Variants in ESRP1 observed in about 807,000 individuals in gnomAD.
The protein encoded by ESRP1 is RNA-binding motif protein 35A.
ESRP1 carries 33 observed loss-of-function variants against 81.7 expected under a neutral mutation model. That is an observed-to-expected ratio of 0.40 (90% confidence interval 0.31 to 0.54). ESRP1 has a LOEUF of 0.54. Ranked by LOEUF, ESRP1 falls within the 20% of genes least tolerant of loss-of-function variation. ESRP1 has a pLI of 0.41. For missense variants in ESRP1, 672 were observed against 833.1 expected (o/e 0.81, Z 2.38); for synonymous variants, 320 against 303.3 (o/e 1.06, Z -0.57).
At chr8:94,672,850 T>C (rs1314682446) in intron 11 of ESRP1, among the ~76,000 whole-genome samples, 1 of 152,246 alleles carries the variant, frequency 6.6e-6, no homozygotes, top group Non-Finnish European at 1.5e-5. Flanking sequence ...CTTAATTAAA[T>C]GCAAAGCTGT....
At chr8:94,666,523 G>A (rs1042507722) in intron 9 of ESRP1, among the ~76,000 whole-genome samples, 3 of 152,176 alleles carry the variant, frequency 2.0e-5, no homozygotes, top group African/African-American at 7.2e-5. Flanking sequence ...ACAGCCATTT[G>A]ACACCTATTG....
At chr8:94,675,284 A>G (rs969657048) in intron 12 of ESRP1, among the ~76,000 whole-genome samples, 1 of 152,236 alleles carries the variant, frequency 6.6e-6, no homozygotes, top group African/African-American at 2.4e-5. Context: ...CCTGTTGGGT[A>G]TGTTTAAAGA....
rs574758084 is a variant in ESRP1, at chr8:94,641,716, C to G, written c.133-240C>G. The G allele has an allele frequency of 4.4e-4, 327 of 738,518 alleles. 2 individuals carry two copies. The African/African-American group carries it at 5.7e-3, about 13-fold the overall frequency. The allele number at this position is 738,518 out of a possible 1,614,324, so 45.7% of individuals were successfully genotyped here. ...CTTTGCCCGTCGGGGGACGCTCCGCCGAGACGAGGTGGGGTCTCGGAGGCC... is the reference window on the plus strand; with the variant it reads ...CTTTGCCCGTCGGGGGACGCTCCGCGGAGACGAGGTGGGGTCTCGGAGGCC... On this transcript the variant is annotated intron_variant, in intron 1 of 15. Transcript: ENST00000433389.
chr8:94,642,150 T>C lies in ESRP1; in HGVS notation c.261+66T>C, dbSNP rs1202888913. ...CAACCCCACCGCACCCTACGCCCTCTCAGGGCGGCCCACGCGTGTTCCCGG... is the reference window on the plus strand; with the variant it reads ...CAACCCCACCGCACCCTACGCCCTCCCAGGGCGGCCCACGCGTGTTCCCGG... On this transcript the variant is annotated intron_variant, in intron 2 of 15. Transcript: ENST00000433389. The C allele has an allele frequency of 5.8e-6, 9 of 1,557,780 alleles. 1 individual carries two copies. The highest frequency in any genetic ancestry group is 6.9e-6 in the Non-Finnish European group (8 of 1,152,774).
At chr8:94,662,712 A>G (rs1238441418) in intron 6 of ESRP1, among the ~76,000 whole-genome samples, 157 bp downstream of exon 6, 2 of 151,416 alleles carry the variant, frequency 1.3e-5, no homozygotes, top group Non-Finnish European at 2.9e-5. Flanking sequence ...GGTTCATGCC[A>G]TTCTCCTGCC....
At chr8:94,644,882 A>T (rs1318512150) in intron 3 of ESRP1, among the ~76,000 whole-genome samples, 1 of 152,212 alleles carries the variant, frequency 6.6e-6, no homozygotes, top group African/African-American at 2.4e-5. Context: ...TTTCTCTAAC[A>T]TGAATGTATT....
intron 3 of ESRP1, among the ~76,000 whole-genome samples, chr8:94,645,768 C>A (rs1817815528): frequency 6.6e-6 from 1 of 152,168 alleles, no homozygotes; most frequent in African/African-American, 2.4e-5. Context: ...AATCTAATCC[C>A]ACACCTGTGT....
At position 94,671,602 on chromosome 8, in the gene ESRP1, C is replaced by T; in HGVS notation, c.1383C>T (p.Ile461=). The change falls in exon 11 of 16, where the codon ATC becomes ATT. Residue 461 remains isoleucine, a synonymous_variant. Transcript: ENST00000433389. Reference sequence around the variant, plus strand: ...CCTATGCAGCCACAATTGAGGACATCCTGGATTTCCTGGGGGAGTTCGCCA... The same window carrying T: ...CCTATGCAGCCACAATTGAGGACATTCTGGATTTCCTGGGGGAGTTCGCCA... ...GLPYAATIED[I]LDFLGEFATD... 1 of 1,613,928 alleles carries T rather than the reference C, an allele frequency of 6.2e-7. No homozygotes were observed. The highest frequency in any genetic ancestry group is 1.1e-5 in the South Asian group (1 of 91,070).
intron 14 of ESRP1, 53 bp from the exon 15 acceptor site, chr8:94,696,799 A>C: frequency 7.5e-7 from 1 of 1,341,492 alleles, no homozygotes; most frequent in Non-Finnish European, 1.0e-6. Flanking sequence ...AATATTATCC[A>C]TAGTGACAGT....
chr8:94,650,947 C>T (rs928395304), intron 4 of ESRP1, among the ~76,000 whole-genome samples: 8 of 152,110 alleles, frequency 5.3e-5, no homozygotes, highest in East Asian at 1.9e-4. Context: ...CCTCGTGATC[C>T]GCCCGCCTTG....
intron 13 of ESRP1, among the ~76,000 whole-genome samples, chr8:94,684,473 A>C (rs1005496359): frequency 3.3e-5 from 5 of 152,204 alleles, no homozygotes; most frequent in Admixed American, 6.5e-5. Context: ...AAGGTTCCCT[A>C]CATGAAAACT....
intron 2 of ESRP1, among the ~76,000 whole-genome samples, chr8:94,642,515 GA>G (rs1324300571): frequency 6.6e-6 from 1 of 152,192 alleles, no homozygotes; most frequent in Non-Finnish European, 1.5e-5. Context: ...GGGTGTGCAA[GA>G]AGTAGCACTG....
intron 15 of ESRP1, among the ~76,000 whole-genome samples, chr8:94,705,272 A>G (rs1350008039): frequency 6.7e-6 from 1 of 148,916 alleles, no homozygotes; most frequent in Non-Finnish European, 1.5e-5. Context: ...GGTTAAAGCA[A>G]TTCTCCTGCC....
Position 94,671,639 on chromosome 8 carries a change from A to C in ESRP1, c.1420A>C (p.Thr474Pro). Residue 474 changes from threonine (T) to proline (P), a missense_variant, in exon 11 of 16, where the codon ACT becomes CCT. Transcript: ENST00000433389. Reference sequence around the variant, plus strand: ...GGGGGAGTTCGCCACAGATATTCGTACTCATGGGGTTCACATGGTTTTGAA... The same window carrying C: ...GGGGGAGTTCGCCACAGATATTCGTCCTCATGGGGTTCACATGGTTTTGAA... ...FLGEFATDIR[T>P]HGVHMVLNHQ... 6.2e-7 allele frequency: 1 copy of C among 1,613,838 alleles called. No individual in the cohort carries two copies. Among genetic ancestry groups the C allele is most frequent in the Non-Finnish European group, 8.5e-7 (1 of 1,179,862 alleles).
intron 4 of ESRP1, among the ~76,000 whole-genome samples, chr8:94,657,426 T>A (rs1818477858): frequency 6.6e-6 from 1 of 151,930 alleles, no homozygotes; most frequent in African/African-American, 2.4e-5. Flanking sequence ...TTTTCAGTGA[T>A]GCTAAGGATC....
intron 10 of ESRP1, among the ~76,000 whole-genome samples, chr8:94,669,523 A>G (rs1216858506): frequency 2.0e-5 from 3 of 152,138 alleles, no homozygotes; most frequent in African/African-American, 4.8e-5. Context: ...TTTGTGTTCC[A>G]TTGTACTGGT....
At chr8:94,690,276 A>ATT (rs373440584) in intron 13 of ESRP1, among the ~76,000 whole-genome samples, 8,736 of 61,078 alleles carry the variant, frequency 0.14, 1,471 homozygotes, top group Non-Finnish European at 0.19. Flanking sequence ...TGCCTGGCTA[A>ATT]TTTTTTTTTT....
intron 2 of ESRP1, among the ~76,000 whole-genome samples, chr8:94,642,968 A>ATTTTT (rs1817686620): frequency 6.6e-6 from 1 of 152,252 alleles, no homozygotes; most frequent in Non-Finnish European, 1.5e-5. Context: ...ACATATAAAA[A>ATTTTT]GTAACACTAG....
chr8:94,705,716 A>G, intron 15 of ESRP1: 1 of 546,384 alleles, frequency 1.8e-6, no homozygotes, highest in Non-Finnish European at 3.2e-6. Context: ...TGTGTAAACC[A>G]TGGAAACTTC....
Sources: gnomAD v4.1 joint callset for allele counts (sites outside exome capture counted in the v4.1 genomes callset) on GRCh38, gnomAD v4.1.1 for gene constraint, MANE v1.5 for transcripts, NCBI Gene and HGNC (gene_info 2026-07-23, HGNC 2026-07-21) for gene names.